The following GSK3B variants were observed in gnomAD, a reference collection of about 807,000 sequenced individuals.
The protein encoded by GSK3B is glycogen synthase kinase-3 beta.
GSK3B carries 15 observed loss-of-function variants against 56.4 expected under a neutral mutation model. That is an observed-to-expected ratio of 0.27 (90% CI 0.18 to 0.41). GSK3B has a LOEUF of 0.41. Among genes scored for constraint, GSK3B ranks in the 10% least tolerant of loss-of-function variants. GSK3B has a pLI of 1.00. For missense variants in GSK3B, 300 were observed against 513.4 expected, an observed-to-expected ratio of 0.58 and a Z score of 4.02; for synonymous variants, 181 against 188.9, an observed-to-expected ratio of 0.96 and a Z score of 0.34.
At chr3:119,927,356 G>C (rs2056898400) in intron 3 of GSK3B, among the ~76,000 whole-genome samples, 1 of 152,184 alleles carries the variant, frequency 6.6e-6, no homozygotes, top group African/African-American at 2.4e-5. Flanking sequence ...TGCAGGGTGA[G>C]CAGCTGGAAA....
At chr3:120,079,305 TACACAC>T (rs61338597) in intron 1 of GSK3B, among the ~76,000 whole-genome samples, 25,127 of 128,126 alleles carry the variant, frequency 0.2, 2,497 homozygotes, top group East Asian at 0.36. Context: ...GACAGGAAAT[TACACAC>T]ACACACACAC....
intron 1 of GSK3B, among the ~76,000 whole-genome samples, chr3:120,063,805 T>C (rs1462063818): frequency 1.3e-5 from 2 of 149,794 alleles, no homozygotes; most frequent in African/African-American, 2.5e-5. Flanking sequence ...CTGGTCAACG[T>C]GGCGAAACCC....
intron 1 of GSK3B, among the ~76,000 whole-genome samples, chr3:120,062,959 T>C (rs1286676919): frequency 6.6e-6 from 1 of 152,160 alleles, no homozygotes; most frequent in East Asian, 1.9e-4. Flanking sequence ...GCAAAAAATA[T>C]GTATGTAGTA....
At chr3:120,035,790 T>C (rs1425425141) in intron 1 of GSK3B, among the ~76,000 whole-genome samples, 2 of 152,252 alleles carry the variant, frequency 1.3e-5, no homozygotes, top group African/African-American at 4.8e-5. Context: ...TCATTTCTAC[T>C]GTACAGAAAC....
chr3:119,954,310 AAACAGAACAG>A (rs55993320), intron 2 of GSK3B, among the ~76,000 whole-genome samples: 11 of 149,338 alleles, frequency 7.4e-5, no homozygotes, highest in South Asian at 2.1e-4. Flanking sequence ...AATAGAAAAG[AAACAGAACAG>A]AACAGAACAG....
At chr3:119,961,636 A>C (rs1384224503) in intron 2 of GSK3B, among the ~76,000 whole-genome samples, 2 of 150,574 alleles carry the variant, frequency 1.3e-5, no homozygotes, top group African/African-American at 2.4e-5. Context: ...CACAAACAAA[A>C]AAAAAAAAAA....
At chr3:119,934,307 T>C (rs1196729618) in intron 3 of GSK3B, among the ~76,000 whole-genome samples, 1 of 152,212 alleles carries the variant, frequency 6.6e-6, no homozygotes, top group African/African-American at 2.4e-5. Context: ...CTTGATATGA[T>C]GTGATGAAAA....
At chr3:119,886,888 A>G (rs188578379) in intron 7 of GSK3B, among the ~76,000 whole-genome samples, 2 of 152,208 alleles carry the variant, frequency 1.3e-5, no homozygotes, top group Non-Finnish European at 2.9e-5. Context: ...AGGCTGCAAA[A>G]CTAACCACTG....
chr3:119,973,856 C>T (rs2057389382), intron 2 of GSK3B, among the ~76,000 whole-genome samples: 1 of 151,976 alleles, frequency 6.6e-6, no homozygotes, highest in Admixed American at 6.6e-5. Flanking sequence ...TTGGAACATA[C>T]CCCCGAAAGT....
intron 2 of GSK3B, among the ~76,000 whole-genome samples, chr3:119,986,081 G>A (rs533453394): frequency 6.6e-6 from 1 of 152,092 alleles, no homozygotes; most frequent in Non-Finnish European, 1.5e-5. Flanking sequence ...ACAAGAAATG[G>A]GGAAAGGATT....
chr3:119,919,215 T>A (rs1276227142), intron 4 of GSK3B, among the ~76,000 whole-genome samples: 1 of 152,168 alleles, frequency 6.6e-6, no homozygotes, highest in African/African-American at 2.4e-5. Context: ...GAAAGGCAAT[T>A]ATAAAGAAAT....
At chr3:120,006,664 A>G (rs1196092262) in intron 1 of GSK3B, among the ~76,000 whole-genome samples, 1 of 152,242 alleles carries the variant, frequency 6.6e-6, no homozygotes, top group African/African-American at 2.4e-5. Flanking sequence ...CTGAATGACT[A>G]CTTGGTAAAT....
chr3:119,989,286 G>A (rs1172733166), intron 2 of GSK3B, among the ~76,000 whole-genome samples: 1 of 152,100 alleles, frequency 6.6e-6, no homozygotes, highest in Admixed American at 6.5e-5. Flanking sequence ...TCAAGTCAAA[G>A]CCTGGAAAGC....
intron 9 of GSK3B, among the ~76,000 whole-genome samples, chr3:119,854,598 C>T (rs958710834): frequency 4.6e-5 from 7 of 151,956 alleles, no homozygotes; most frequent in Non-Finnish European, 1.0e-4. Context: ...AACTTCAGAG[C>T]CTGTTATTGG....
chr3:119,880,331 T>G (rs2056366258), intron 7 of GSK3B, among the ~76,000 whole-genome samples: 1 of 152,204 alleles, frequency 6.6e-6, no homozygotes, highest in African/African-American at 2.4e-5. Context: ...ATATTTTTCC[T>G]ATAAAGTTGT....
At chr3:120,056,766 A>G (rs2107548025) in intron 1 of GSK3B, among the ~76,000 whole-genome samples, 2 of 152,328 alleles carry the variant, frequency 1.3e-5, no homozygotes, top group South Asian at 2.1e-4. Flanking sequence ...AGAGTGACAG[A>G]TACCCCCAAA....
At chr3:120,092,758 G>T (rs997801852) in intron 1 of GSK3B, among the ~76,000 whole-genome samples, 19 of 152,168 alleles carry the variant, frequency 1.2e-4, no homozygotes, top group African/African-American at 3.9e-4. Flanking sequence ...TCTAAAGAGA[G>T]AAATCAATGG....
intron 1 of GSK3B, among the ~76,000 whole-genome samples, chr3:120,071,347 T>C (rs182839): frequency 0.098 from 14,908 of 152,254 alleles, 784 homozygotes; most frequent in South Asian, 0.15. Flanking sequence ...ATGAGTATCC[T>C]ATATATTAAA....
chr3:120,029,221 G>A (rs1159610342), intron 1 of GSK3B: 3 of 690,444 alleles, frequency 4.3e-6, no homozygotes, highest in East Asian at 2.6e-5. Context: ...TAACCTAAGC[G>A]ATGGCCACCA....
Sources: gnomAD v4.1 joint callset for allele counts (sites outside exome capture counted in the v4.1 genomes callset) on GRCh38, gnomAD v4.1.1 for gene constraint, MANE v1.5 for transcripts, NCBI Gene and HGNC (gene_info 2026-07-23, HGNC 2026-07-21) for gene names.